Variants in KLHL32 observed in about 807,000 individuals in gnomAD.
KLHL32 encodes kelch like family member 32.
Under a neutral mutation model 64.8 loss-of-function variants are expected in KLHL32, and 35 were observed. The observed-to-expected ratio is 0.54, with a 90% CI of 0.41 to 0.72. The LOEUF is 0.72. Ranked by LOEUF, KLHL32 falls within the 30% of genes least tolerant of loss-of-function variation. The pLI, the probability that KLHL32 is intolerant of heterozygous loss-of-function variation, is 0.00. For synonymous variants in KLHL32, 259 were observed against 281.0 expected (o/e 0.92, Z 0.78); for missense variants, 589 against 768.5 (o/e 0.77, Z 2.76).
intron 3 of KLHL32, among the ~76,000 whole-genome samples, chr6:97,009,265 A>T (rs777837810): frequency 6.6e-6 from 1 of 151,966 alleles, no homozygotes; most frequent in Non-Finnish European, 1.5e-5. Context: ...GTTAAGAAAC[A>T]GTATTTTTAA....
chr6:96,976,585 A>T lies in KLHL32; in HGVS notation c.204+408A>T, dbSNP rs544084711. 2.0e-3 allele frequency among the ~76,000 whole-genome samples: 311 copies of T among 152,054 alleles called. 1 individual carries two copies. Among genetic ancestry groups the T allele is most frequent in the East Asian group, 8.5e-3 (44 of 5,174 alleles). On this transcript the variant is annotated intron_variant, in intron 3 of 10. Transcript: ENST00000369261. ...TGTATTGTTTCGGATATATATATAT[A>T]TTTTTGTTTTGTTTTGTTTTGTTTG...
chr6:96,900,194 T>G, the KLHL32 span, among the ~76,000 whole-genome samples: 100 of 152,298 alleles, frequency 6.6e-4, no homozygotes, highest in Admixed American at 1.5e-3. Context: ...ACTTTGCTCA[T>G]CTTAAAATTG....
intron 1 of KLHL32, among the ~76,000 whole-genome samples, chr6:96,942,861 T>C (rs1444894780): frequency 1.3e-5 from 2 of 152,184 alleles, no homozygotes; most frequent in East Asian, 3.9e-4. Context: ...GAATCACTCC[T>C]TACGGCAGAA....
rs117550124 is a variant in KLHL32 at position 97,070,021 on chromosome 6, T to A, written c.411+5295T>A. On this transcript the variant is annotated intron_variant, in intron 5 of 10. Coordinates refer to ENST00000369261, the MANE Select transcript of KLHL32 (RefSeq NM_052904.4). ...GTGTTCTGAAGACAATAACTTCTCC[T>A]CAAGATTGAGGAGAAGTTATAACTC... 4.0e-4 allele frequency among the ~76,000 whole-genome samples: 61 copies of A among 152,072 alleles called. 2 individuals carry two copies. The East Asian group carries it at 0.01, about 25-fold the overall frequency.
At position 97,129,824 on chromosome 6, in the gene KLHL32, A is replaced by G. The variant is rs558289599; in HGVS notation, c.1414-933A>G. On this transcript the variant is annotated intron_variant, in intron 8 of 10. Transcript: ENST00000369261. ...CTTGAACCTGGGAGGCGGAGGTTGC[A>G]GTGAGCCGAGATCATGTCACTGCAC... 1.6e-3 allele frequency among the ~76,000 whole-genome samples: 238 copies of G among 152,302 alleles called. 2 individuals carry two copies. Among genetic ancestry groups the G allele is most frequent in the South Asian group, 3.7e-3 (18 of 4,828 alleles).
chr6:97,123,581 T>C (rs898000144), intron 7 of KLHL32, among the ~76,000 whole-genome samples: 1 of 152,168 alleles, frequency 6.6e-6, no homozygotes, highest in African/African-American at 2.4e-5. Flanking sequence ...TTACTTTCAC[T>C]GTGGCACTTC....
the KLHL32 span, chr6:96,914,993 G>C: frequency 1.3e-5 from 2 of 152,008 alleles, no homozygotes. Context: ...CATTGCGCCC[G>C]GCAATCCTGG....
At chr6:96,901,633 G>C in the KLHL32 span, among the ~76,000 whole-genome samples, 34,850 of 152,124 alleles carry the variant, frequency 0.23, 4,623 homozygotes, top group East Asian at 0.37. Context: ...GTTCACTACA[G>C]TCATCAACTT....
intron 4 of KLHL32, among the ~76,000 whole-genome samples, chr6:97,056,643 T>A (rs1345285601): frequency 1.3e-5 from 2 of 152,224 alleles, no homozygotes; most frequent in Non-Finnish European, 2.9e-5. Context: ...TATTATCTTA[T>A]GCTATTGACT....
intron 4 of KLHL32, among the ~76,000 whole-genome samples, chr6:97,057,341 G>GCC (rs1453042654): frequency 7.8e-6 from 1 of 127,472 alleles, no homozygotes; most frequent in Non-Finnish European, 1.6e-5. Flanking sequence ...GCGCCACCAT[G>GCC]CCCGGCTAAT....
Position 96,994,492 on chromosome 6 carries a change from C to T in KLHL32, c.204+18315C>T. ...ATAAAGTAGATTTTTGTGCTCTGTA[C>T]TCTGATATTTGGCAGTTTATTTTGA... On this transcript the variant is annotated intron_variant, in intron 3 of 10. Coordinates refer to ENST00000369261, the MANE Select transcript of KLHL32 (RefSeq NM_052904.4). 3 of 984,984 alleles carry T rather than the reference C, an allele frequency of 3.0e-6. No homozygotes were observed. In the African/African-American group the frequency reaches 5.2e-5, roughly 17 times the overall value. 61.0% of individuals were successfully genotyped at this position (984,984 alleles called of 1,614,324 possible).
intron 3 of KLHL32, among the ~76,000 whole-genome samples, chr6:97,027,165 A>AT (rs1267053092): frequency 6.6e-6 from 1 of 150,998 alleles, no homozygotes; most frequent in Admixed American, 6.6e-5. Flanking sequence ...CCCTCTCAAA[A>AT]AAAAAAAAAA....
the KLHL32 span, among the ~76,000 whole-genome samples, chr6:96,914,086 T>C: frequency 6.6e-6 from 1 of 152,084 alleles, no homozygotes; most frequent in Non-Finnish European, 1.5e-5. Flanking sequence ...GATCCTGGCT[T>C]TGAAGAAAGC....
chr6:96,975,903 G>C (rs892677490), intron 2 of KLHL32, 94 bp from the exon 3 acceptor site: 3 of 943,132 alleles, frequency 3.2e-6, no homozygotes, highest in African/African-American at 3.3e-5. Flanking sequence ...ACTGGAACCC[G>C]TGTTGCCTCA....
At chr6:96,918,335 A>T in the KLHL32 span, among the ~76,000 whole-genome samples, 1 of 152,176 alleles carries the variant, frequency 6.6e-6, no homozygotes, top group Non-Finnish European at 1.5e-5. Context: ...AAGCTGGAGA[A>T]ATATTTTTGT....
At chr6:96,946,378 A>G (rs1186761981) in intron 1 of KLHL32, among the ~76,000 whole-genome samples, 5 of 151,956 alleles carry the variant, frequency 3.3e-5, no homozygotes, top group Admixed American at 3.3e-4. Context: ...CTTATTTGCC[A>G]TGTTTATTGT....
At chr6:97,139,056 T>G (rs1369270533) in intron 10 of KLHL32, 65 bp from the exon 11 acceptor site, 10 of 1,441,240 alleles carry the variant, frequency 6.9e-6, no homozygotes, top group Non-Finnish European at 9.4e-6. Flanking sequence ...TTCTTTTATG[T>G]ATACATAGCT....
chr6:96,945,362 C>G (rs1472648444), intron 1 of KLHL32, among the ~76,000 whole-genome samples: 1 of 152,212 alleles, frequency 6.6e-6, no homozygotes, highest in Non-Finnish European at 1.5e-5. Flanking sequence ...GAAATCCCAG[C>G]CTGTACCCTA....
At chr6:97,098,812 G>A (rs1472687026) in intron 6 of KLHL32, among the ~76,000 whole-genome samples, 1 of 152,130 alleles carries the variant, frequency 6.6e-6, no homozygotes, top group African/African-American at 2.4e-5. Flanking sequence ...AGACCTCAGG[G>A]ATACTTCATA....
Sources: gnomAD v4.1 joint callset for allele counts (sites outside exome capture counted in the v4.1 genomes callset) on GRCh38, gnomAD v4.1.1 for gene constraint, MANE v1.5 for transcripts, NCBI Gene and HGNC (gene_info 2026-07-23, HGNC 2026-07-21) for gene names.